The following CPT1A variants were observed in gnomAD, a reference collection of about 807,000 sequenced individuals.
CPT1A encodes the protein carnitine O-palmitoyltransferase 1, liver isoform.
A neutral mutation model predicts 100.8 loss-of-function variants in CPT1A; 64 were observed. The observed-to-expected ratio is 0.63, with a 90% CI of 0.52 to 0.78. The LOEUF (loss-of-function observed/expected upper bound fraction) is 0.78, where lower values mean the gene tolerates loss of function less well. CPT1A is among the 30% of genes least tolerant of loss of function. The probability of loss-of-function intolerance (pLI) is 0.00; values close to 1 mark genes in which losing one functional copy is unlikely to be tolerated. For missense variants in CPT1A, 802 were observed against 1,034.1 expected (o/e 0.78, Z 3.08); for synonymous variants, 363 against 396.0 (o/e 0.92, Z 0.99).
chr11:68,822,173 T>C (rs1472489998), intron 1 of CPT1A, among the ~76,000 whole-genome samples: 1 of 151,768 alleles, frequency 6.6e-6, no homozygotes, highest in Non-Finnish European at 1.5e-5. Flanking sequence ...AGGCCAGGAG[T>C]TCCAGACCAG....
At chr11:68,768,066 CTTTTTTT>C (rs71043448) in intron 14 of CPT1A, among the ~76,000 whole-genome samples, 6 of 71,248 alleles carry the variant, frequency 8.4e-5, no homozygotes, top group East Asian at 4.9e-4. Flanking sequence ...AGTTTCCAGT[CTTTTTTT>C]TTTTTTTTTT....
chr11:68,769,571 C>CT (rs1460180370), intron 14 of CPT1A, among the ~76,000 whole-genome samples: 3 of 152,036 alleles, frequency 2.0e-5, no homozygotes, highest in Non-Finnish European at 4.4e-5. Context: ...AACTCCTACA[C>CT]TTTAAGTTTT....
At chr11:68,831,976 T>A (rs988236012) in intron 1 of CPT1A, among the ~76,000 whole-genome samples, 7 of 152,038 alleles carry the variant, frequency 4.6e-5, no homozygotes, top group Non-Finnish European at 7.4e-5. Flanking sequence ...TGCTAGACAA[T>A]GTGACCCATA....
At chr11:68,772,757 C>T (rs865776690) in intron 14 of CPT1A, among the ~76,000 whole-genome samples, 2 of 151,956 alleles carry the variant, frequency 1.3e-5, no homozygotes, top group Non-Finnish European at 2.9e-5. Context: ...TTTACTCTGC[C>T]AAAAGGAAAG....
intron 1 of CPT1A, among the ~76,000 whole-genome samples, chr11:68,837,207 G>A (rs527733099): frequency 1.3e-5 from 2 of 152,230 alleles, no homozygotes; most frequent in East Asian, 3.9e-4. Context: ...GCATCACCAT[G>A]CCCAGCTACC....
chr11:68,754,817 C>G, downstream of CPT1A: 1 of 781,048 alleles, frequency 1.3e-6, no homozygotes, highest in Non-Finnish European at 2.4e-6. Flanking sequence ...CACTTTGTCT[C>G]AAGTATCTGA....
intron 9 of CPT1A, among the ~76,000 whole-genome samples, chr11:68,792,620 AC>A (rs1238900316): frequency 6.6e-6 from 1 of 152,162 alleles, no homozygotes; most frequent in Non-Finnish European, 1.5e-5. Context: ...TTACGTGGCC[AC>A]CCTGCCCAGG....
At chr11:68,836,416 G>A (rs1028466622) in intron 1 of CPT1A, among the ~76,000 whole-genome samples, 2 of 152,024 alleles carry the variant, frequency 1.3e-5, no homozygotes, top group South Asian at 2.1e-4. Context: ...GGGAGATTAC[G>A]TTGAGCTATG....
At chr11:68,767,814 G>A (rs1450236836) in intron 14 of CPT1A, among the ~76,000 whole-genome samples, 1 of 152,008 alleles carries the variant, frequency 6.6e-6, no homozygotes, top group Non-Finnish European at 1.5e-5. Flanking sequence ...GGGTTCACCG[G>A]GTTTTGTGTA....
In CPT1A at chr11:68,793,394, A is replaced by C. The variant is rs1244456212; in HGVS notation, c.888T>G (p.Leu296=). 6.2e-7 allele frequency: 1 copy of C among 1,610,016 alleles called. No homozygotes were observed. Among genetic ancestry groups the C allele is most frequent in the East Asian group, 2.2e-5 (1 of 44,844 alleles). The part of the protein sequence containing the change: ...LDREEIKPIR[L]LGSTIPLCSA... ...AGCAGAGTGGAATCGTGGATCCCAA[A>C]AGACGAATCTGTAACAAAAATATAT... The change falls in exon 9 of 19, where the codon CTT becomes CTG. Residue 296 remains leucine, a synonymous_variant. Coordinates refer to ENST00000265641, the MANE Select transcript of CPT1A (RefSeq NM_001876.4).
At chr11:68,773,609 G>T in intron 13 of CPT1A, 180 bp from the exon 14 acceptor site, 1 of 1,101,530 alleles carries the variant, frequency 9.1e-7, no homozygotes, top group Non-Finnish European at 1.3e-6. Flanking sequence ...TGACCCCGGA[G>T]GAGCAGCTGC....
At chr11:68,789,007 G>A (rs1392497710) in intron 9 of CPT1A, among the ~76,000 whole-genome samples, 1 of 151,762 alleles carries the variant, frequency 6.6e-6, no homozygotes, top group Non-Finnish European at 1.5e-5. Context: ...TTCACTGAGC[G>A]TCACTTAGAA....
intron 1 of CPT1A, among the ~76,000 whole-genome samples, chr11:68,819,973 A>T (rs1856534653): frequency 6.6e-6 from 1 of 152,094 alleles, no homozygotes; most frequent in African/African-American, 2.4e-5. Flanking sequence ...AAACACTGAT[A>T]TAGCCGCACC....
intron 1 of CPT1A, among the ~76,000 whole-genome samples, chr11:68,820,015 C>CGTTTGTTTGTTT (rs36030703): frequency 2.2e-4 from 33 of 150,348 alleles, no homozygotes; most frequent in Middle Eastern, 3.4e-3. Context: ...ACAGTTTGCA[C>CGTTTGTTTGTTT]GTTTGTTTGT....
rs562540364 is a variant in CPT1A, at chr11:68,762,680, A to G, written c.1822T>C (p.Cys608Arg). Residue 608 changes from cysteine to arginine, a missense_variant, in exon 15 of 19, where the codon TGC becomes CGC. Coordinates refer to ENST00000265641, the MANE Select transcript of CPT1A (RefSeq NM_001876.4). ...REGRTETVRS[C>R]TTESCDFVRA... ...ACGAAGTCGCATGACTCAGTGGTGC[A>G]GGAGCGCACGGTCTCCGTCCTCCCC... The G allele has an allele frequency of 6.2e-7, 1 of 1,613,894 alleles. No individual in the cohort carries two copies. The highest frequency in any genetic ancestry group is 8.5e-7 in the Non-Finnish European group (1 of 1,180,042).
Position 68,841,185 on chromosome 11 carries a change from C to T in CPT1A, c.-14+590G>A, listed in dbSNP as rs1248923525. On this transcript the variant is annotated intron_variant, in intron 1 of 18. Coordinates refer to ENST00000265641, the MANE Select transcript of CPT1A (RefSeq NM_001876.4). This position sits in a 1 kb window ranked among gnomAD's most constrained non-coding sequence, Gnocchi z 6.3. ...GAGGGCCGAGCACCCCTCCCTCAGC[C>T]GCACTGCACCTGCCCGTAGGTGACC... Among the ~76,000 whole-genome samples, 3 of 152,182 alleles carry T rather than the reference C, an allele frequency of 2.0e-5. No homozygotes were observed.
chr11:68,836,490 A>C (rs951606084), intron 1 of CPT1A, among the ~76,000 whole-genome samples: 5 of 151,448 alleles, frequency 3.3e-5, no homozygotes, highest in African/African-American at 1.2e-4. Context: ...GGAAAAAAAA[A>C]CTCCTGGCGC....
In CPT1A at chr11:68,841,804, AGCGGCAGCGGCG is replaced by A. The variant is rs1555235810; in HGVS notation, c.-55_-44del. ...TCAGCTACGGAGGTGCGGCAGCGGC[AGCGGCAGCGGCG>A]GCGGCGGCGGCGGCGGTGGAGTGAA... On this transcript the variant is annotated 5_prime_UTR_variant, in exon 1 of 19. Coordinates refer to ENST00000265641, the MANE Select transcript of CPT1A (RefSeq NM_001876.4). This position sits in a 1 kb window ranked among gnomAD's most constrained non-coding sequence, Gnocchi z 6.3. 2 of 997,632 alleles carry A rather than the reference AGCGGCAGCGGCG, an allele frequency of 2.0e-6. No homozygotes were observed. The highest frequency in any genetic ancestry group is 3.5e-5 in the African/African-American group (2 of 57,268). 61.8% of individuals were successfully genotyped at this position (997,632 alleles called of 1,614,324 possible).
intron 1 of CPT1A, among the ~76,000 whole-genome samples, chr11:68,819,404 C>T (rs1180236447): frequency 6.6e-6 from 1 of 152,180 alleles, no homozygotes; most frequent in Non-Finnish European, 1.5e-5. Context: ...TAGCCCCCTT[C>T]CCCATCAAAG....
Sources: gnomAD v4.1 joint callset for allele counts (sites outside exome capture counted in the v4.1 genomes callset) on GRCh38, gnomAD v4.1.1 for gene constraint, Gnocchi (gnomAD v3.1) non-coding constraint, MANE v1.5 for transcripts, NCBI Gene and HGNC (gene_info 2026-07-23, HGNC 2026-07-21) for gene names.